TCF4: variants seen among roughly 807,000 people sequenced by gnomAD.
The protein encoded by TCF4 is transcription factor 4, also known as SL3-3 enhancer factor 2.
TCF4 carries 3 observed loss-of-function variants against 82.1 expected under a neutral mutation model. The observed-to-expected ratio is 0.04, with a 90% CI of 0.02 to 0.09. TCF4 has a LOEUF of 0.09. Among genes scored for constraint, TCF4 ranks in the 10% least tolerant of loss-of-function variants. The pLI, the probability that TCF4 is intolerant of heterozygous loss-of-function variation, is 1.00. For synonymous variants in TCF4, 276 were observed against 309.6 expected (o/e 0.89, Z 1.14); for missense variants, 518 against 852.7 (o/e 0.61, Z 4.89).
At chr18:55,610,583 G>C (rs2147962718) in intron 2 of TCF4, among the ~76,000 whole-genome samples, 1 of 152,246 alleles carries the variant, frequency 6.6e-6, no homozygotes, top group South Asian at 2.1e-4. Context: ...TCTGACTCCT[G>C]GATCTGTTTT....
chr18:55,513,713 T>TA (rs1219670365), intron 3 of TCF4, among the ~76,000 whole-genome samples: 2 of 152,072 alleles, frequency 1.3e-5, no homozygotes, highest in South Asian at 2.1e-4. Flanking sequence ...TTCTCATATT[T>TA]AAAAAAAAGC....
intron 8 of TCF4, among the ~76,000 whole-genome samples, chr18:55,295,415 C>G (rs1274360651): frequency 1.3e-5 from 2 of 152,150 alleles, no homozygotes; most frequent in Non-Finnish European, 2.9e-5. Flanking sequence ...TCCTTCCACA[C>G]TCACTACTTC....
chr18:55,544,506 C>A (rs1219291810), intron 3 of TCF4, among the ~76,000 whole-genome samples: 1 of 152,180 alleles, frequency 6.6e-6, no homozygotes, highest in Non-Finnish European at 1.5e-5. Context: ...ACATCCCTCA[C>A]AAGAATAAAA....
chr18:55,570,813 G>A (rs921694918), intron 3 of TCF4, among the ~76,000 whole-genome samples: 3 of 149,840 alleles, frequency 2.0e-5, no homozygotes, highest in Non-Finnish European at 4.4e-5. Flanking sequence ...CCAGAAAGTC[G>A]AGACCAGACA....
intron 6 of TCF4, among the ~76,000 whole-genome samples, chr18:55,352,488 A>C (rs2082523032): frequency 6.6e-6 from 1 of 152,178 alleles, no homozygotes; most frequent in Non-Finnish European, 1.5e-5. Flanking sequence ...TATGTAATAA[A>C]CATTACTTCA....
chr18:55,465,791 C>T (rs1603492236), intron 3 of TCF4, among the ~76,000 whole-genome samples: 3 of 152,172 alleles, frequency 2.0e-5, no homozygotes, highest in Admixed American at 2.0e-4. Flanking sequence ...AACAAAATCT[C>T]TCAACCACTG....
At chr18:55,259,893 G>A in intron 13 of TCF4, 56 bp downstream of exon 13, 3 of 1,440,876 alleles carry the variant, frequency 2.1e-6, no homozygotes, top group African/African-American at 1.4e-5. Context: ...GAAGTACAAG[G>A]GGGGAATCAT....
At chr18:55,590,648 C>T (rs955359905), upstream of TCF4, among the ~76,000 whole-genome samples, 4 of 152,138 alleles carry the variant, frequency 2.6e-5, no homozygotes, top group African/African-American at 9.7e-5. Flanking sequence ...CAACTGATAC[C>T]GCTAACCTAG....
chr18:55,554,303 A>G (rs993180829), intron 3 of TCF4, among the ~76,000 whole-genome samples: 2 of 152,084 alleles, frequency 1.3e-5, no homozygotes, highest in Admixed American at 6.6e-5. Flanking sequence ...TAGAGCATCT[A>G]TTGAGAAAGC....
chr18:55,571,874 CAAA>C (rs57217543), intron 3 of TCF4, among the ~76,000 whole-genome samples: 1 of 122,572 alleles, frequency 8.2e-6, no homozygotes. Flanking sequence ...ATTTTCTTTT[CAAA>C]AAAAAAAAAA....
In TCF4 at chr18:55,226,236, C is replaced by T. The variant is rs187063308; in HGVS notation, c.*1799G>A. 6.6e-6 allele frequency: 1 copy of T among 152,332 alleles called. No individual in the cohort carries two copies. Among genetic ancestry groups the T allele is most frequent in the Non-Finnish European group, 1.5e-5 (1 of 67,960 alleles). 9.4% of individuals were successfully genotyped at this position (152,332 alleles called of 1,614,324 possible). ...CATTTCAATGGATTTATGGCATTTACTCAGTGCTGATAGGTGGAAAAACTA... is the reference window on the plus strand; with the variant it reads ...CATTTCAATGGATTTATGGCATTTATTCAGTGCTGATAGGTGGAAAAACTA... On this transcript the variant is annotated 3_prime_UTR_variant, in exon 20 of 20. Transcript: ENST00000354452.
chr18:55,576,137 G>A (rs922889712), intron 3 of TCF4, among the ~76,000 whole-genome samples: 2 of 152,092 alleles, frequency 1.3e-5, no homozygotes, highest in Non-Finnish European at 2.9e-5. Flanking sequence ...TAGTTTTGAG[G>A]TGCAGCCTTT....
intron 3 of TCF4, among the ~76,000 whole-genome samples, chr18:55,522,967 T>A (rs9965067): frequency 0.69 from 104,130 of 151,390 alleles, 36,110 homozygotes; most frequent in East Asian, 0.92. Flanking sequence ...GTTGGGACAC[T>A]AAGAGTATAA....
intron 3 of TCF4, among the ~76,000 whole-genome samples, chr18:55,548,450 T>C (rs1389134484): frequency 6.6e-6 from 1 of 152,148 alleles, no homozygotes; most frequent in Non-Finnish European, 1.5e-5. Flanking sequence ...CACTGTCCCC[T>C]GATTTTGATT....
intron 5 of TCF4, chr18:55,422,624 G>T (rs1286085916): frequency 3.3e-6 from 1 of 304,356 alleles, no homozygotes; most frequent in Non-Finnish European, 4.8e-6. Context: ...TTTAGTGTGT[G>T]TGTGTGTTTT....
At chr18:55,391,361 A>T (rs574395523) in intron 6 of TCF4, among the ~76,000 whole-genome samples, 1 of 151,976 alleles carries the variant, frequency 6.6e-6, no homozygotes, top group African/African-American at 2.4e-5. Context: ...CATAATATAT[A>T]TATTTTTTAA....
At chr18:55,293,564 T>G (rs1185619041) in intron 8 of TCF4, among the ~76,000 whole-genome samples, 2 of 152,224 alleles carry the variant, frequency 1.3e-5, no homozygotes, top group Non-Finnish European at 2.9e-5. Context: ...CTATCGTTAA[T>G]AGATAGAGGT....
chr18:55,362,423 A>AAGGAAGGAAGGAAGGG (rs2085645144), intron 6 of TCF4, among the ~76,000 whole-genome samples: 1 of 139,528 alleles, frequency 7.2e-6, no homozygotes, highest in Non-Finnish European at 1.6e-5. Context: ...GGAAGGAAGG[A>AAGGAAGGAAGGAAGGG]AGGAAGGAAG....
At chr18:55,540,820 G>C (rs1248649874) in intron 3 of TCF4, among the ~76,000 whole-genome samples, 1 of 151,884 alleles carries the variant, frequency 6.6e-6, no homozygotes, top group Non-Finnish European at 1.5e-5. Flanking sequence ...TTTATCCACA[G>C]GCCTTCATTC....
Sources: gnomAD v4.1 joint callset for allele counts (sites outside exome capture counted in the v4.1 genomes callset) on GRCh38, gnomAD v4.1.1 for gene constraint, MANE v1.5 for transcripts, NCBI Gene and HGNC (gene_info 2026-07-23, HGNC 2026-07-21) for gene names.